CRTC3: variants seen among roughly 807,000 people sequenced by gnomAD.
The protein encoded by CRTC3 is CREB-regulated transcription coactivator 3.
A neutral mutation model predicts 74.5 loss-of-function variants in CRTC3; 26 were observed. That is an observed-to-expected ratio of 0.35 (90% CI 0.26 to 0.48). The LOEUF (loss-of-function observed/expected upper bound fraction) is 0.48, where lower values mean the gene tolerates loss of function less well. CRTC3 is among the 20% of genes least tolerant of loss of function. The pLI is 0.99. For synonymous variants in CRTC3, 377 were observed against 325.8 expected, an observed-to-expected ratio of 1.16 and a Z score of -1.69; for missense variants, 760 against 787.3, an observed-to-expected ratio of 0.97 and a Z score of 0.41.
chr15:90,535,257 A>T (rs965511018), intron 1 of CRTC3, among the ~76,000 whole-genome samples: 1 of 152,054 alleles, frequency 6.6e-6, no homozygotes, highest in East Asian at 1.9e-4. Context: ...GAGGTGGAGG[A>T]GCTGGCCAAG....
chr15:90,543,849 T>C (rs933057522), intron 2 of CRTC3, among the ~76,000 whole-genome samples: 1 of 152,184 alleles, frequency 6.6e-6, no homozygotes. Flanking sequence ...TTCCCTTGTG[T>C]CTGTTTGTAA....
At chr15:90,631,622 G>C (rs1222547821) in intron 11 of CRTC3, among the ~76,000 whole-genome samples, 1 of 151,654 alleles carries the variant, frequency 6.6e-6, no homozygotes, top group African/African-American at 2.4e-5. Context: ...CACCTACTCA[G>C]GATGCTGCGA....
At chr15:90,566,551 T>TAAA (rs71154113) in intron 2 of CRTC3, among the ~76,000 whole-genome samples, 112 of 143,344 alleles carry the variant, frequency 7.8e-4, no homozygotes, top group East Asian at 3.7e-3. Flanking sequence ...CTCTGTCTAT[T>TAAA]AAAAAAAAAA....
intron 2 of CRTC3, among the ~76,000 whole-genome samples, chr15:90,589,407 A>C (rs563029173): frequency 6.6e-6 from 1 of 151,886 alleles, no homozygotes; most frequent in Non-Finnish European, 1.5e-5. Context: ...GCTGGAGTAC[A>C]GTGGCTCAAT....
At chr15:90,624,185 G>A (rs8031293) in intron 9 of CRTC3, among the ~76,000 whole-genome samples, 39,974 of 151,838 alleles carry the variant, frequency 0.26, 6,382 homozygotes, top group African/African-American at 0.46. Context: ...CTCAGGATTC[G>A]TGACTTCCCT....
chr15:90,633,213 CT>C, intron 11 of CRTC3, among the ~76,000 whole-genome samples: 1 of 151,834 alleles, frequency 6.6e-6, no homozygotes, highest in Admixed American at 6.6e-5. Context: ...AAATGTCTGA[CT>C]TTTTTTATTA....
In CRTC3 at chr15:90,604,297, A is replaced by G. The variant is rs548148595; in HGVS notation, c.414-88A>G. 7.5e-4 allele frequency: 699 copies of G among 936,156 alleles called. 16 individuals are homozygous for G. In the South Asian group the frequency reaches 7.5e-3, roughly 10 times the overall value. The allele number at this position is 936,156 out of a possible 1,614,324, so 58.0% of individuals were successfully genotyped here. ...TCTTGCAGAGCGAGGTGAGTAGAAG[A>G]GCCAGTTCTCAAATGCAAGTGCTGA... On this transcript the variant is annotated intron_variant, in intron 4 of 14. Coordinates refer to ENST00000268184, the MANE Select transcript of CRTC3 (RefSeq NM_022769.5).
Position 90,582,274 on chromosome 15 carries a change from G to T in CRTC3, c.232-11362G>T, listed in dbSNP as rs570063122. On this transcript the variant is annotated intron_variant, in intron 2 of 14. Coordinates refer to ENST00000268184, the MANE Select transcript of CRTC3 (RefSeq NM_022769.5). ...CACCCAAAGATATCACACCAGGTGG[G>T]GAGGTGGGGATGGGAACAGGCAGTT... Among the ~76,000 whole-genome samples the T allele has an allele frequency of 2.5e-4, 38 of 152,306 alleles. No individual in the cohort carries two copies. In the East Asian group the frequency reaches 7.1e-3, roughly 29 times the overall value.
At chr15:90,568,343 G>A (rs538108660) in intron 2 of CRTC3, among the ~76,000 whole-genome samples, 2 of 152,038 alleles carry the variant, frequency 1.3e-5, no homozygotes, top group Non-Finnish European at 2.9e-5. Context: ...AGTAGAGTTC[G>A]AGAGGATTGA....
chr15:90,590,723 G>A (rs1182065865), intron 2 of CRTC3, among the ~76,000 whole-genome samples: 1 of 152,138 alleles, frequency 6.6e-6, no homozygotes, highest in East Asian at 1.9e-4. Flanking sequence ...CATTTGATGA[G>A]GAAGATCTTT....
chr15:90,636,939 C>G lies in CRTC3; in HGVS notation c.1267-1507C>G, dbSNP rs942390760. On this transcript the variant is annotated intron_variant, in intron 11 of 14. Transcript: ENST00000268184. ...GAGAGGATGTGGAGAAATAGGAACA[C>G]TTTTACACTGTTGGTGGGACTGTAA... 2.8e-4 allele frequency among the ~76,000 whole-genome samples: 42 copies of G among 152,262 alleles called. 1 individual carries two copies. The highest frequency in any genetic ancestry group is 4.8e-4 in the African/African-American group (20 of 41,554).
At chr15:90,641,766 CTGACTGACAAGAATGTAGA>C (rs1969452890) in intron 14 of CRTC3, among the ~76,000 whole-genome samples, 147 bp from the exon 15 acceptor site, 1 of 152,040 alleles carries the variant, frequency 6.6e-6, no homozygotes, top group African/African-American at 2.4e-5. Flanking sequence ...AGTTGTGCAA[CTGACTGACAAGAATGTAGA>C]TTCCAGGGCA....
At chr15:90,620,957 T>G (rs1361024293) in intron 9 of CRTC3, among the ~76,000 whole-genome samples, 2 of 152,188 alleles carry the variant, frequency 1.3e-5, no homozygotes, top group Non-Finnish European at 2.9e-5. Context: ...TCTGGCAGGT[T>G]AAACGTAAAC....
rs538450136 is a variant in CRTC3, at chr15:90,629,790, C to T, written c.1266+258C>T. 6.6e-5 allele frequency among the ~76,000 whole-genome samples: 10 copies of T among 152,296 alleles called. No homozygotes were observed. The South Asian group carries it at 1.0e-3, about 16-fold the overall frequency. On this transcript the variant is annotated intron_variant, in intron 11 of 14. Coordinates refer to ENST00000268184, the MANE Select transcript of CRTC3 (RefSeq NM_022769.5). ...CCAGGCTGGAGTGCAGTGGCACAAT[C>T]GCGGCTCACTGCAGCCTCACCTCCC...
At chr15:90,539,794 C>T (rs1272613171) in intron 1 of CRTC3, 1 of 453,610 alleles carries the variant, frequency 2.2e-6, no homozygotes, top group Admixed American at 4.2e-5. Context: ...CACTCAAAGA[C>T]CTTGCAAGAG....
chr15:90,623,824 C>G (rs1036577773), intron 9 of CRTC3, among the ~76,000 whole-genome samples: 14 of 152,208 alleles, frequency 9.2e-5, no homozygotes, highest in Admixed American at 6.5e-5. Flanking sequence ...AACCAGCCCT[C>G]CTAAACTCAA....
chr15:90,576,979 G>A (rs8042874), intron 2 of CRTC3, among the ~76,000 whole-genome samples: 4,612 of 152,248 alleles, frequency 0.03, 202 homozygotes, highest in African/African-American at 0.1. Context: ...CGACTTTTGT[G>A]TCTCCTCCTT....
intron 10 of CRTC3, 51 bp downstream of exon 10, chr15:90,626,044 C>G: frequency 7.2e-7 from 1 of 1,386,302 alleles, no homozygotes; most frequent in Non-Finnish European, 1.0e-6. Context: ...ATAGGTGGTC[C>G]CCACCCATGT....
chr15:90,602,320 C>G lies in CRTC3; in HGVS notation c.352-4C>G, dbSNP rs774272980. The G allele has an allele frequency of 1.9e-6, 3 of 1,551,304 alleles. No individual in the cohort carries two copies. Among genetic ancestry groups the G allele is most frequent in the African/African-American group, 1.4e-5 (1 of 73,494 alleles). On this transcript the variant is annotated splice_region_variant and splice_polypyrimidine_tract_variant and intron_variant, in intron 3 of 14. Coordinates refer to ENST00000268184, the MANE Select transcript of CRTC3 (RefSeq NM_022769.5). ...TTTTATTTTTCCTTTATTAAAAATT[C>G]TACTTTGATGGTAGTGCTTTTGGAG...
Sources: gnomAD v4.1 joint callset for allele counts (sites outside exome capture counted in the v4.1 genomes callset) on GRCh38, gnomAD v4.1.1 for gene constraint, MANE v1.5 for transcripts, NCBI Gene and HGNC (gene_info 2026-07-23, HGNC 2026-07-21) for gene names.